PHACTR2: variants seen among roughly 807,000 people sequenced by gnomAD.
The protein encoded by PHACTR2 is phosphatase and actin regulator 2, also known as chromosome 6 open reading frame 56.
In PHACTR2, 30 loss-of-function variants were observed where a neutral mutation model predicts 76.0. The ratio of observed to expected loss-of-function variants is 0.39; its 90% CI spans 0.30 to 0.54. The LOEUF is 0.54. Ranked by LOEUF, PHACTR2 falls within the 20% of genes least tolerant of loss-of-function variation. PHACTR2 has a pLI of 0.61. For missense variants in PHACTR2, 696 were observed against 781.1 expected, an observed-to-expected ratio of 0.89 and a Z score of 1.30; for synonymous variants, 292 against 292.5, an observed-to-expected ratio of 1.00 and a Z score of 0.02.
chr6:143,590,433 T>C (rs957718210), intron 1 of PHACTR2, among the ~76,000 whole-genome samples: 2 of 152,054 alleles, frequency 1.3e-5, no homozygotes, highest in African/African-American at 4.8e-5. Flanking sequence ...TGTGGTTGCT[T>C]AAGTCTGTTA....
intron 1 of PHACTR2, among the ~76,000 whole-genome samples, chr6:143,626,166 A>G (rs942983266): frequency 3.3e-5 from 5 of 152,180 alleles, no homozygotes; most frequent in Admixed American, 2.6e-4. Flanking sequence ...TTGTGTGACA[A>G]CAGAATGAAG....
At chr6:143,644,499 C>G (rs1055585262) in intron 1 of PHACTR2, among the ~76,000 whole-genome samples, 1 of 130,558 alleles carries the variant, frequency 7.7e-6, no homozygotes, top group Non-Finnish European at 1.7e-5. Context: ...CAGTTATGAA[C>G]CTGTATTATT....
rs117790489 is a variant in PHACTR2, at chr6:143,608,375, G to A, written c.13+53G>A. 24 of 1,587,256 alleles carry A rather than the reference G, an allele frequency of 1.5e-5. No homozygotes were observed. The highest frequency in any genetic ancestry group is 2.0e-5 in the Non-Finnish European group (23 of 1,156,242). On this transcript the variant is annotated intron_variant, in intron 1 of 11. Coordinates refer to the PHACTR2 transcript ENST00000305766. This position sits in a 1 kb window ranked among gnomAD's most constrained non-coding sequence, Gnocchi z 4.6. ...TAGCTGCTGGCTTCCTTTGCAGCCC[G>A]CATCCTTTACTGCGGAAGGTTTGCC... is the stretch of plus-strand genomic sequence containing the variant.
At chr6:143,569,090 G>A (rs1166562559) in intron 1 of PHACTR2, among the ~76,000 whole-genome samples, 1 of 152,170 alleles carries the variant, frequency 6.6e-6, no homozygotes, top group African/African-American at 2.4e-5. Flanking sequence ...TTGGAGAGAT[G>A]TTTCGTGCTC....
chr6:143,645,289 TATATATATGA>T (rs1166230486), intron 1 of PHACTR2, among the ~76,000 whole-genome samples: 23 of 151,452 alleles, frequency 1.5e-4, no homozygotes, highest in African/African-American at 4.1e-4. Flanking sequence ...CTGTAATATA[TATATATATGA>T]ATATATATGA....
chr6:143,805,465 G>A (rs1268641028), intron 11 of PHACTR2, among the ~76,000 whole-genome samples: 9 of 126,734 alleles, frequency 7.1e-5, no homozygotes, highest in East Asian at 2.4e-4. Flanking sequence ...GGTGACAAGA[G>A]TGAAACTCCG....
intron 2 of PHACTR2, among the ~76,000 whole-genome samples, chr6:143,741,433 C>T (rs1165253012): frequency 6.6e-6 from 1 of 152,176 alleles, no homozygotes; most frequent in African/African-American, 2.4e-5. Context: ...GCAGAGGTTA[C>T]AGTGAGCCAA....
In PHACTR2 at chr6:143,608,211, G is replaced by C; in HGVS notation, c.-99G>C. 8.1e-7 allele frequency: 1 copy of C among 1,232,370 alleles called. No individual in the cohort carries two copies. The allele number at this position is 1,232,370 out of a possible 1,614,324, so 76.3% of individuals were successfully genotyped here. A position where few individuals can be genotyped will look rare whatever the true frequency, so the allele number is the denominator to read the frequency against. On this transcript the variant is annotated 5_prime_UTR_variant, in exon 1 of 12. Transcript: ENST00000305766. The surrounding 1 kb of genome is among the most constrained non-coding windows in gnomAD (Gnocchi z 4.6). ...TGAAGTATGCTCAGTGTGCCAGCAA[G>C]GGCTGATAATCAGCAGAAGGACAGG... is the stretch of plus-strand genomic sequence containing the variant.
chr6:143,619,195 C>T lies in PHACTR2; in HGVS notation c.13+10873C>T, dbSNP rs1414861374. Among the ~76,000 whole-genome samples, 1 of 152,118 alleles carries T rather than the reference C, an allele frequency of 6.6e-6. No homozygotes were observed. Among genetic ancestry groups the T allele is most frequent in the Non-Finnish European group, 1.5e-5 (1 of 68,034 alleles). On this transcript the variant is annotated intron_variant, in intron 1 of 11. Transcript: ENST00000305766. This position sits in a 1 kb window ranked among gnomAD's most constrained non-coding sequence, Gnocchi z 4.5. ...ATCCATCCATCTACCTGCATGCTTA[C>T]CTACCTGTGATCTATTTTTCTGTCT...
At chr6:143,590,706 G>T (rs758191801) in intron 1 of PHACTR2, among the ~76,000 whole-genome samples, 2 of 152,076 alleles carry the variant, frequency 1.3e-5, no homozygotes, top group Non-Finnish European at 2.9e-5. Flanking sequence ...ACAGGAACAC[G>T]CTGTCTTAGA....
At chr6:143,692,843 G>A (rs1202007375) in intron 1 of PHACTR2, among the ~76,000 whole-genome samples, 1 of 152,190 alleles carries the variant, frequency 6.6e-6, no homozygotes, top group Non-Finnish European at 1.5e-5. Context: ...GTCTGCTAAG[G>A]CTGTCGTAAC....
rs888768951 is a variant in PHACTR2, at chr6:143,653,898, C to T, written c.13+45576C>T. Among the ~76,000 whole-genome samples the T allele has an allele frequency of 6.6e-5, 10 of 151,974 alleles. No homozygotes were observed. Among genetic ancestry groups the T allele is most frequent in the Admixed American group, 2.6e-4 (4 of 15,256 alleles). On this transcript the variant is annotated intron_variant, in intron 1 of 11. Coordinates refer to the PHACTR2 transcript ENST00000305766. The surrounding 1 kb of genome is among the most constrained non-coding windows in gnomAD (Gnocchi z 4.9). ...CATCATCAAACTAAAAATGTTGTGGCTCAAAGGACACCATCTATAAAGTGA... is the reference window on the plus strand; with the variant it reads ...CATCATCAAACTAAAAATGTTGTGGTTCAAAGGACACCATCTATAAAGTGA...
intron 1 of PHACTR2, among the ~76,000 whole-genome samples, chr6:143,620,557 A>G (rs1238245905): frequency 6.6e-6 from 1 of 152,154 alleles, no homozygotes; most frequent in East Asian, 1.9e-4. Context: ...ACTTCAAATC[A>G]TCAGTTCTGC....
rs1331434477 is a variant in PHACTR2 at position 143,816,961 on chromosome 6, G to T, written c.1923-6713G>T. On this transcript the variant is annotated intron_variant, in intron 12 of 12. Coordinates refer to ENST00000440869, the MANE Select transcript of PHACTR2 (RefSeq NM_001100164.2). The surrounding 1 kb of genome is among the most constrained non-coding windows in gnomAD (Gnocchi z 4.5). The stretch of plus-strand genomic sequence containing the variant: ...AGTGCCTGTATTCCCAGCTACTTGG[G>T]AGGCTGAGGCAGGAGAATCTCTTGA... Among the ~76,000 whole-genome samples the T allele has an allele frequency of 6.6e-6, 1 of 152,186 alleles. No individual in the cohort carries two copies. The highest frequency in any genetic ancestry group is 1.5e-5 in the Non-Finnish European group (1 of 68,034).
Position 143,571,460 on chromosome 6 carries a change from A to T in PHACTR2, c.217+34253A>T, listed in dbSNP as rs1775445890. Among the ~76,000 whole-genome samples the T allele has an allele frequency of 6.6e-6, 1 of 152,144 alleles. No individual in the cohort carries two copies. The highest frequency in any genetic ancestry group is 2.4e-5 in the African/African-American group (1 of 41,418). On this transcript the variant is annotated intron_variant, in intron 1 of 11. Coordinates refer to the PHACTR2 transcript ENST00000367584. The surrounding 1 kb of genome is among the most constrained non-coding windows in gnomAD (Gnocchi z 4.6). ...CCAGCTCTGTCACCCAGGCTGGTGC[A>T]GTGGTGCAATCATAGCTCACTGTGG...
At position 143,539,087 on chromosome 6, in the gene PHACTR2, G is replaced by A. The variant is rs1319892128; in HGVS notation, c.217+1880G>A. Among the ~76,000 whole-genome samples, 1 of 152,146 alleles carries A rather than the reference G, an allele frequency of 6.6e-6. No homozygotes were observed. Among genetic ancestry groups the A allele is most frequent in the Non-Finnish European group, 1.5e-5 (1 of 68,038 alleles). On this transcript the variant is annotated intron_variant, in intron 1 of 11. Transcript: ENST00000367584. This position sits in a 1 kb window ranked among gnomAD's most constrained non-coding sequence, Gnocchi z 4.3. ...TTGCATCGCCATTTTTCATTTTCATGGATGGAAATTATGGCCTGTATGCCG... is the reference window on the plus strand; with the variant it reads ...TTGCATCGCCATTTTTCATTTTCATAGATGGAAATTATGGCCTGTATGCCG...
At chr6:143,564,186 T>TA (rs1775325686) in intron 1 of PHACTR2, among the ~76,000 whole-genome samples, 1 of 102,140 alleles carries the variant, frequency 9.8e-6, no homozygotes, top group Non-Finnish European at 2.1e-5. Flanking sequence ...TGTGTGTATG[T>TA]GTGTGTGTGC....
chr6:143,558,493 TG>T lies in PHACTR2; in HGVS notation c.217+21287del, dbSNP rs763346106. ...TAAAACTACTAGGTTTTAAAAAAAT[TG>T]AGTGTCAGATCTGTTATGAGGATGA... On this transcript the variant is annotated intron_variant, in intron 1 of 11. Transcript: ENST00000367584. This position sits in a 1 kb window ranked among gnomAD's most constrained non-coding sequence, Gnocchi z 4.7. Among the ~76,000 whole-genome samples the T allele has an allele frequency of 3.9e-5, 6 of 152,180 alleles. No homozygotes were observed. Among genetic ancestry groups the T allele is most frequent in the Non-Finnish European group, 8.8e-5 (6 of 68,036 alleles).
At position 143,823,626 on chromosome 6, in the gene PHACTR2, G is replaced by C. The variant is rs1268519981; in HGVS notation, c.1923-48G>C. 2 of 1,550,258 alleles carry C rather than the reference G, an allele frequency of 1.3e-6. No individual in the cohort carries two copies. The highest frequency in any genetic ancestry group is 2.2e-5 in the East Asian group (1 of 44,486). On this transcript the variant is annotated intron_variant, in intron 12 of 12. Transcript: ENST00000440869. This position sits in a 1 kb window ranked among gnomAD's most constrained non-coding sequence, Gnocchi z 5.7. ...CGCCTTATTCAGCTCACTGCATGCA[G>C]AATGTGCTCCTAGGCCACAGGCTTA...
Sources: allele counts gnomAD v4.1 joint callset (sites outside exome capture counted in the v4.1 genomes callset), GRCh38; gene constraint gnomAD v4.1.1; non-coding constraint Gnocchi (gnomAD v3.1); transcripts MANE v1.5; gene names NCBI Gene and HGNC (gene_info 2026-07-23, HGNC 2026-07-21).